The following SYNE2 variants were observed in gnomAD, a reference collection of about 807,000 sequenced individuals.
SYNE2 encodes the protein nesprin-2.
In SYNE2, 431 loss-of-function variants were observed where a neutral mutation model predicts 856.3. The observed-to-expected ratio is 0.50, with a 90% CI of 0.47 to 0.55. SYNE2 has a LOEUF of 0.55. SYNE2 is among the 20% of genes least tolerant of loss of function. SYNE2 has a pLI of 0.00. For synonymous variants in SYNE2, 2,923 were observed against 2,872.3 expected (o/e 1.02, Z -0.56); for missense variants, 8,129 against 8,023.2 (o/e 1.01, Z -0.50).
In SYNE2 at chr14:63,982,793, T is replaced by C; in HGVS notation, c.2000T>C (p.Leu667Pro). The change falls in exon 17 of 116, where the codon CTT (leucine) becomes CCT (proline). Residue 667 changes from leucine to proline, a missense_variant and splice_region_variant. Coordinates refer to ENST00000555002, the MANE Select transcript of SYNE2 (RefSeq NM_182914.3). ...RWRKLVSKTQ[L>P]EMNLPLMIKK... The stretch of plus-strand genomic sequence containing the variant: ...AGAAAGTTGGTTTCAAAAACTCAAC[T>C]TGTAAGTTCTTTTGATTGGTTGCAG... The C allele has an allele frequency of 6.2e-7, 1 of 1,613,826 alleles. No individual in the cohort carries two copies. The highest frequency in any genetic ancestry group is 1.1e-5 in the South Asian group (1 of 91,074).
At position 63,963,902 on chromosome 14, in the gene SYNE2, A is replaced by C. The variant is rs866911879; in HGVS notation, c.892A>C (p.Lys298Gln). The C allele has an allele frequency of 5.6e-6, 9 of 1,610,474 alleles. No homozygotes were observed. In the African/African-American group the frequency reaches 1.2e-4, roughly 22 times the overall value. Reference sequence around the variant, plus strand: ...ATTTTGTGTGTGTAAAATACAGGGAAAGGTGAAAGATGCTATGGGCTGGTT... The same window carrying C: ...ATTTTGTGTGTGTAAAATACAGGGACAGGTGAAAGATGCTATGGGCTGGTT... ...APGTGEEAQGKVKDAMGWLTL... is the reference protein window; with the variant it reads ...APGTGEEAQGQVKDAMGWLTL... Residue 298 changes from lysine to glutamine, a missense_variant, in exon 10 of 116, where the codon AAG (lysine) becomes CAG (glutamine). Physicochemically the swap from Lys to Gln is moderately conservative, Grantham distance 53 (BLOSUM62 1). Transcript: ENST00000555002.
intron 1 of SYNE2, among the ~76,000 whole-genome samples, chr14:63,841,832 C>CTTTTTTTT (rs34947861): frequency 3.1e-4 from 36 of 115,038 alleles, no homozygotes; most frequent in African/African-American, 3.9e-4. Flanking sequence ...TTCTTTCTTT[C>CTTTTTTTT]TTTTTTTTTT....
At position 63,949,939 on chromosome 14, in the gene SYNE2, G is replaced by A. The variant is rs1029598305; in HGVS notation, c.523G>A (p.Val175Met). ...SSPPAKKCSKVQARWQMSARK... is the reference protein window; with the variant it reads ...SSPPAKKCSKMQARWQMSARK... ...TCCTCCAGCTAAGAAATGCTCTAAA[G>A]TGCAAGCAAGATGGCAAATGTCTGC... is the stretch of plus-strand genomic sequence containing the variant. Residue 175 changes from valine (V) to methionine (M), a missense_variant, in exon 7 of 116, where the codon GTG becomes ATG. Transcript: ENST00000555002. 1.2e-6 allele frequency: 2 copies of A among 1,614,112 alleles called. No individual in the cohort carries two copies. The highest frequency in any genetic ancestry group is 1.7e-6 in the Non-Finnish European group (2 of 1,180,008).
intron 1 of SYNE2, among the ~76,000 whole-genome samples, chr14:63,807,403 A>T (rs1218344256): frequency 2.0e-5 from 3 of 152,058 alleles, no homozygotes; most frequent in Non-Finnish European, 4.4e-5. Flanking sequence ...TTCAGAATGA[A>T]AAAGGAGACT....
rs199697908 is a variant in SYNE2 at position 63,982,645 on chromosome 14, C to G, written c.1852C>G (p.Leu618Val). Residue 618 changes from leucine (L) to valine (V), a missense_variant, in exon 17 of 116, where the codon CTA becomes GTA. This residue lies in a region of SYNE2 where 2,422 missense variants were observed against 2,357.4 expected (regional missense o/e 1.03). Transcript: ENST00000555002. ...TATCATGTAGGTACCCTTTGAGACA[C>G]TAGCCCAGTGGAATCTAGAACACGC... ...EEIKEVPFET[L>V]AQWNLEHATL... 2.0e-4 allele frequency: 325 copies of G among 1,613,826 alleles called. 1 individual carries two copies. In the African/African-American group the frequency reaches 3.7e-3, roughly 18 times the overall value.
At chr14:63,884,724 A>C (rs962890329) in intron 1 of SYNE2, among the ~76,000 whole-genome samples, 23 of 152,086 alleles carry the variant, frequency 1.5e-4, no homozygotes, top group Non-Finnish European at 1.5e-5. Flanking sequence ...CCTATGTGAG[A>C]GTGTCAAAAG....
chr14:64,102,126 C>G, intron 64 of SYNE2, 84 bp downstream of exon 64: 1 of 968,578 alleles, frequency 1.0e-6, no homozygotes, highest in Non-Finnish European at 1.6e-6. Context: ...ACTTTCTTTC[C>G]CTACACCCCT....
intron 45 of SYNE2, among the ~76,000 whole-genome samples, chr14:64,046,246 C>G (rs1466763019): frequency 6.6e-6 from 1 of 152,202 alleles, no homozygotes; most frequent in African/African-American, 2.4e-5. Context: ...ACCTCAAGTT[C>G]TTAAAGCTTT....
chr14:64,214,042 C>G, intron 105 of SYNE2, 152 bp from the exon 106 acceptor site: 1 of 1,153,874 alleles, frequency 8.7e-7, no homozygotes, highest in Non-Finnish European at 1.2e-6. Context: ...TAACCAGAAA[C>G]AGGACCTGGG....
chr14:63,976,854 C>T, intron 12 of SYNE2, 127 bp downstream of exon 12: 2 of 1,057,056 alleles, frequency 1.9e-6, no homozygotes, highest in Non-Finnish European at 1.4e-6. Context: ...TAGAATGATT[C>T]CTCTGGGGAT....
chr14:63,983,907 A>G (rs754386728), intron 18 of SYNE2, 21 bp downstream of exon 18: 1 of 1,439,280 alleles, frequency 6.9e-7, no homozygotes, highest in South Asian at 1.2e-5. Context: ...CATACTTTGT[A>G]TATTTCACTT....
chr14:63,857,673 C>A (rs1468540385), intron 1 of SYNE2, among the ~76,000 whole-genome samples: 2 of 152,076 alleles, frequency 1.3e-5, no homozygotes, highest in African/African-American at 2.4e-5. Context: ...TGTAGTGACA[C>A]CTCATTGTGG....
rs111236542 is a variant in SYNE2 at position 63,948,784 on chromosome 14, A to C, written c.409-1041A>C. ...TGTATATATATGTATGTGTGTGTGTATATATATATATATATATATATATAT... is the reference window on the plus strand; with the variant it reads ...TGTATATATATGTATGTGTGTGTGTCTATATATATATATATATATATATAT... On this transcript the variant is annotated intron_variant, in intron 6 of 115. Coordinates refer to ENST00000555002, the MANE Select transcript of SYNE2 (RefSeq NM_182914.3). 6.5e-3 allele frequency among the ~76,000 whole-genome samples: 111 copies of C among 17,094 alleles called. 2 individuals carry two copies. Among genetic ancestry groups the C allele is most frequent in the African/African-American group, 0.029 (107 of 3,716 alleles). 11.2% of individuals were successfully genotyped at this position (17,094 alleles called of 152,430 possible).
chr14:64,032,859 A>G (rs1416713889), intron 45 of SYNE2, among the ~76,000 whole-genome samples: 1 of 152,216 alleles, frequency 6.6e-6, no homozygotes, highest in Non-Finnish European at 1.5e-5. Flanking sequence ...AGAAACTTTT[A>G]AAACAGTATT....
intron 26 of SYNE2, 60 bp from the exon 27 acceptor site, chr14:63,998,854 C>G (rs1028412461): frequency 3.6e-5 from 57 of 1,596,084 alleles, no homozygotes; most frequent in South Asian, 2.9e-4. Flanking sequence ...TGAGCCACTG[C>G]GCTTGGCCTG....
At chr14:63,786,111 A>G (rs953837291) in intron 1 of SYNE2, among the ~76,000 whole-genome samples, 18 of 152,104 alleles carry the variant, frequency 1.2e-4, no homozygotes, top group Non-Finnish European at 2.9e-5. Context: ...ATAGCTGGGC[A>G]TGGTGGTGTG....
intron 103 of SYNE2, among the ~76,000 whole-genome samples, chr14:64,210,973 T>C (rs1365401864): frequency 6.6e-6 from 1 of 152,038 alleles, no homozygotes; most frequent in Non-Finnish European, 1.5e-5. Context: ...CCGTCTTTCT[T>C]TCTCTCTCTT....
intron 78 of SYNE2, among the ~76,000 whole-genome samples, chr14:64,135,206 G>A (rs961255111): frequency 1.3e-5 from 2 of 152,154 alleles, no homozygotes; most frequent in Non-Finnish European, 2.9e-5. Flanking sequence ...TAGGATATAT[G>A]CCGTCAGAAT....
chr14:64,119,605 A>T lies in SYNE2; in HGVS notation c.13019A>T (p.Asp4340Val). The T allele has an allele frequency of 6.2e-7, 1 of 1,614,142 alleles. No individual in the cohort carries two copies. Among genetic ancestry groups the T allele is most frequent in the Non-Finnish European group, 8.5e-7 (1 of 1,179,996 alleles). Residue 4340 changes from aspartate to valine, a missense_variant, in exon 67 of 116, where the codon GAT becomes GTT. Asp to Val is a radical substitution (Grantham distance 152). Transcript: ENST00000555002. ...ATGCTTCAGGAGAAGCACAGTGAAG[A>T]TCAGGTAAAAAATGACTATCTATGG... The part of the protein sequence containing the change: ...QMMLQEKHSE[D>V]QHPTILKKSS...
Sources: allele counts gnomAD v4.1 joint callset (sites outside exome capture counted in the v4.1 genomes callset), GRCh38; gene constraint gnomAD v4.1.1; regional missense constraint gnomAD v4.1.1; transcripts MANE v1.5; gene names NCBI Gene and HGNC (gene_info 2026-07-23, HGNC 2026-07-21).